The following RANBP9 variants were observed in gnomAD, a reference collection of about 807,000 sequenced individuals.
The protein encoded by RANBP9 is ran-binding protein 9.
In RANBP9, 15 loss-of-function variants were observed where a neutral mutation model predicts 84.3. That is an observed-to-expected ratio of 0.18 (90% CI 0.12 to 0.27). The LOEUF (loss-of-function observed/expected upper bound fraction) is 0.27, where lower values mean the gene tolerates loss of function less well. Ranked by LOEUF, RANBP9 falls within the 10% of genes least tolerant of loss-of-function variation. The probability of loss-of-function intolerance (pLI) is 1.00; values close to 1 mark genes in which losing one functional copy is unlikely to be tolerated. For synonymous variants in RANBP9, 392 were observed against 349.6 expected, an observed-to-expected ratio of 1.12 and a Z score of -1.35; for missense variants, 809 against 912.8, an observed-to-expected ratio of 0.89 and a Z score of 1.46.
intron 2 of RANBP9, 56 bp from the exon 3 acceptor site, chr6:13,658,888 A>T: frequency 6.8e-7 from 1 of 1,464,022 alleles, no homozygotes; most frequent in Non-Finnish European, 9.6e-7. Flanking sequence ...TCATATATGT[A>T]TAAATTACCA....
chr6:13,660,352 C>A (rs1584928620), intron 2 of RANBP9, among the ~76,000 whole-genome samples: 1 of 151,780 alleles, frequency 6.6e-6, no homozygotes, highest in East Asian at 1.9e-4. Flanking sequence ...CAAAAAAAAA[C>A]AAAACCATCA....
At chr6:13,693,967 C>T (rs1204310790) in intron 2 of RANBP9, among the ~76,000 whole-genome samples, 8 of 151,962 alleles carry the variant, frequency 5.3e-5, no homozygotes, top group East Asian at 1.9e-4. Flanking sequence ...TGCTTGAACC[C>T]GGGAGGCAGA....
chr6:13,642,627 G>T, intron 6 of RANBP9, 36 bp from the exon 7 acceptor site: 1 of 1,365,890 alleles, frequency 7.3e-7, no homozygotes, highest in Non-Finnish European at 1.0e-6. Flanking sequence ...ATCTTTTAGT[G>T]AAGAGAATAC....
chr6:13,635,130 G>C (rs1336379437), intron 10 of RANBP9, among the ~76,000 whole-genome samples: 1 of 152,126 alleles, frequency 6.6e-6, no homozygotes, highest in Non-Finnish European at 1.5e-5. Flanking sequence ...AAATGATTGA[G>C]CTTCATTCTC....
At chr6:13,648,140 G>GTTTTTTTT (rs1491513627) in intron 5 of RANBP9, among the ~76,000 whole-genome samples, 1 of 122,868 alleles carries the variant, frequency 8.1e-6, no homozygotes, top group Non-Finnish European at 1.8e-5. Flanking sequence ...TTATATGACT[G>GTTTTTTTT]GTTTTTTTTT....
intron 7 of RANBP9, among the ~76,000 whole-genome samples, chr6:13,642,141 T>C (rs1026001869): frequency 2.6e-5 from 4 of 152,180 alleles, no homozygotes; most frequent in Admixed American, 6.5e-5. Flanking sequence ...ACATACTATC[T>C]CCTCCAACTA....
At chr6:13,623,600 G>A (rs913850347) in intron 13 of RANBP9, among the ~76,000 whole-genome samples, 8 of 152,068 alleles carry the variant, frequency 5.3e-5, no homozygotes, top group Non-Finnish European at 1.0e-4. Flanking sequence ...ACATCTACAG[G>A]GAATATTTTT....
chr6:13,673,004 G>T lies in RANBP9; in HGVS notation c.684-14172C>A, dbSNP rs185363087. ...AGTATTTGAAGTAATGATGGTTGATGATTTTCCAAAATTAATGACAGATCC... is the reference window on the plus strand; with the variant it reads ...AGTATTTGAAGTAATGATGGTTGATTATTTTCCAAAATTAATGACAGATCC... On this transcript the variant is annotated intron_variant, in intron 2 of 13. Coordinates refer to ENST00000011619, the MANE Select transcript of RANBP9 (RefSeq NM_005493.3). Among the ~76,000 whole-genome samples, 9 of 152,216 alleles carry T rather than the reference G, an allele frequency of 5.9e-5. 1 individual carries two copies. In the East Asian group the frequency reaches 1.7e-3, roughly 29 times the overall value.
chr6:13,631,051 G>A (rs566886887), intron 12 of RANBP9, among the ~76,000 whole-genome samples: 31 of 151,962 alleles, frequency 2.0e-4, no homozygotes, highest in Non-Finnish European at 4.3e-4. Flanking sequence ...CTCATGATCC[G>A]CCCGCCTCAG....
At chr6:13,644,348 G>A (rs1223763823) in intron 6 of RANBP9, among the ~76,000 whole-genome samples, 197 bp downstream of exon 6, 3 of 152,044 alleles carry the variant, frequency 2.0e-5, no homozygotes, top group East Asian at 3.8e-4. Flanking sequence ...AATTCTGTAC[G>A]TGTGTCAAAC....
intron 1 of RANBP9, among the ~76,000 whole-genome samples, chr6:13,699,535 A>G (rs1485465461): frequency 6.6e-6 from 1 of 152,160 alleles, no homozygotes; most frequent in African/African-American, 2.4e-5. Flanking sequence ...AGCATCCTAA[A>G]TCCAAAAATC....
intron 2 of RANBP9, among the ~76,000 whole-genome samples, chr6:13,659,242 CCACACACACACACATACA>C (rs1400100625): frequency 5.7e-5 from 6 of 105,850 alleles, no homozygotes; most frequent in East Asian, 3.9e-4. Context: ...AATTTAGACC[CCACACACACACACATACA>C]CACACACACA....
intron 2 of RANBP9, among the ~76,000 whole-genome samples, chr6:13,664,589 A>T (rs1195661682): frequency 6.6e-6 from 1 of 152,158 alleles, no homozygotes. Context: ...AGTTCACAAT[A>T]TTCTATTGCA....
chr6:13,693,246 G>A (rs1430182053), intron 2 of RANBP9, among the ~76,000 whole-genome samples: 2 of 152,176 alleles, frequency 1.3e-5, no homozygotes, highest in Non-Finnish European at 2.9e-5. Context: ...GCCAGCATGC[G>A]TAGTCAGAGA....
In RANBP9 at chr6:13,711,192, G is replaced by A. The variant is rs1419355307; in HGVS notation, c.314C>T (p.Pro105Leu). 1 of 1,254,620 alleles carries A rather than the reference G, an allele frequency of 8.0e-7. No individual in the cohort carries two copies. Among genetic ancestry groups the A allele is most frequent in the Non-Finnish European group, 1.0e-6 (1 of 1,000,690 alleles). The allele number at this position is 1,254,620 out of a possible 1,614,324, so 77.7% of individuals were successfully genotyped here. Reference protein sequence around the residue: ...AAAPASGPPAPPGLAAGPGPA... With the variant: ...AAAPASGPPALPGLAAGPGPA... ...GCCGGGGCCCGCTGCAAGGCCCGGGGGAGCGGGCGGCCCGCTGGCGGGGGC... is the reference window on the plus strand; with the variant it reads ...GCCGGGGCCCGCTGCAAGGCCCGGGAGAGCGGGCGGCCCGCTGGCGGGGGC... Residue 105 changes from proline to leucine, a missense_variant, in exon 1 of 14, where the codon CCC becomes CTC. Coordinates refer to ENST00000011619, the MANE Select transcript of RANBP9 (RefSeq NM_005493.3).
intron 2 of RANBP9, among the ~76,000 whole-genome samples, chr6:13,670,777 G>C (rs910310367): frequency 2.8e-5 from 4 of 143,986 alleles, no homozygotes; most frequent in Non-Finnish European, 4.5e-5. Context: ...TCCAGCCTGG[G>C]AGACAGAGCA....
At chr6:13,676,064 T>C (rs1233455275) in intron 2 of RANBP9, among the ~76,000 whole-genome samples, 1 of 152,016 alleles carries the variant, frequency 6.6e-6, no homozygotes, top group African/African-American at 2.4e-5. Context: ...AGTGTCAAAA[T>C]AAACTCCATC....
intron 12 of RANBP9, among the ~76,000 whole-genome samples, chr6:13,631,778 C>A (rs967976510): frequency 2.0e-5 from 3 of 152,214 alleles, no homozygotes; most frequent in Admixed American, 1.3e-4. Context: ...TCAACTGGTA[C>A]ACAAAACTGT....
chr6:13,686,279 A>AT (rs1218561433), intron 2 of RANBP9, among the ~76,000 whole-genome samples: 2 of 151,082 alleles, frequency 1.3e-5, no homozygotes, highest in Admixed American at 6.6e-5. Flanking sequence ...TAATTTTATT[A>AT]TTTTTATTTA....
Sources: allele counts gnomAD v4.1 joint callset (sites outside exome capture counted in the v4.1 genomes callset), GRCh38; gene constraint gnomAD v4.1.1; transcripts MANE v1.5; gene names NCBI Gene and HGNC (gene_info 2026-07-23, HGNC 2026-07-21).